The following HS3ST2 variants were observed in gnomAD, a reference collection of about 807,000 sequenced individuals.
HS3ST2 encodes heparan sulfate-glucosamine 3-sulfotransferase 2.
A neutral mutation model predicts 26.3 loss-of-function variants in HS3ST2; 17 were observed. The observed-to-expected ratio is 0.65, with a 90% CI of 0.44 to 0.97. The LOEUF is 0.97. Among genes scored for constraint, HS3ST2 ranks in the 50% least tolerant of loss-of-function variants. The pLI is 0.00. For missense variants in HS3ST2, 402 were observed against 501.2 expected, an observed-to-expected ratio of 0.80 and a Z score of 1.89; for synonymous variants, 237 against 219.2, an observed-to-expected ratio of 1.08 and a Z score of -0.72.
intron 1 of HS3ST2, among the ~76,000 whole-genome samples, chr16:22,868,340 C>T (rs1329708131): frequency 2.9e-5 from 4 of 136,298 alleles, no homozygotes; most frequent in African/African-American, 5.6e-5. Context: ...ACCCGGGAAG[C>T]GGAGGTTGCA....
At chr16:22,912,621 C>A (rs1330834160) in intron 1 of HS3ST2, among the ~76,000 whole-genome samples, 3 of 152,154 alleles carry the variant, frequency 2.0e-5, no homozygotes, top group Non-Finnish European at 2.9e-5. Context: ...AAGGGCTACC[C>A]TACAGGGGTG....
intron 1 of HS3ST2, among the ~76,000 whole-genome samples, chr16:22,895,070 C>CTTTTTT (rs55861016): frequency 1.5e-5 from 2 of 134,718 alleles, no homozygotes; most frequent in Admixed American, 7.4e-5. Context: ...TTCTTTCTTT[C>CTTTTTT]TTTTTTTTTT....
intron 1 of HS3ST2, among the ~76,000 whole-genome samples, chr16:22,871,043 A>G (rs2141193141): frequency 6.6e-6 from 1 of 152,272 alleles, no homozygotes; most frequent in Non-Finnish European, 1.5e-5. Context: ...CACATGAGCT[A>G]TTCAACACTT....
intron 1 of HS3ST2, among the ~76,000 whole-genome samples, chr16:22,908,622 C>T (rs1902384361): frequency 6.6e-6 from 1 of 152,134 alleles, no homozygotes; most frequent in Admixed American, 6.5e-5. Flanking sequence ...ATTGAGTGTG[C>T]TCACTTGCTA....
At chr16:22,886,917 A>G (rs575130993) in intron 1 of HS3ST2, among the ~76,000 whole-genome samples, 2 of 152,066 alleles carry the variant, frequency 1.3e-5, no homozygotes, top group East Asian at 3.9e-4. Context: ...CACCTAGTTA[A>G]TTTTTAAACC....
Position 22,814,711 on chromosome 16 carries a change from G to A in HS3ST2, c.101G>A (p.Cys34Tyr). Residue 34 changes from cysteine to tyrosine, a missense_variant, in exon 1 of 2, where the codon TGT (cysteine) becomes TAT (tyrosine). Physicochemically the swap from Cys to Tyr is radical, Grantham distance 194. Coordinates refer to ENST00000261374, the MANE Select transcript of HS3ST2 (RefSeq NM_006043.2). ...CTCTCGCTCTCCTGCACTTACCTGT[G>A]TTACAGCTTCCTGTGCTGCTGCGAC... ...FTLSLSCTYL[C>Y]YSFLCCCDDL... 2.5e-6 allele frequency: 4 copies of A among 1,609,024 alleles called. No homozygotes were observed. Among genetic ancestry groups the A allele is most frequent in the Admixed American group, 1.7e-5 (1 of 59,802 alleles).
At chr16:22,848,601 C>T (rs1901478300) in intron 1 of HS3ST2, among the ~76,000 whole-genome samples, 1 of 152,202 alleles carries the variant, frequency 6.6e-6, no homozygotes, top group African/African-American at 2.4e-5. Flanking sequence ...AAGGAATTCT[C>T]TACCTTCACA....
intron 1 of HS3ST2, among the ~76,000 whole-genome samples, chr16:22,837,577 A>G (rs1455599410): frequency 7.2e-6 from 1 of 138,224 alleles, no homozygotes; most frequent in Non-Finnish European, 1.6e-5. Context: ...ATATATATAT[A>G]TACACACACA....
At chr16:22,866,643 G>T (rs908122366) in intron 1 of HS3ST2, among the ~76,000 whole-genome samples, 20 of 151,792 alleles carry the variant, frequency 1.3e-4, no homozygotes, top group Non-Finnish European at 2.2e-4. Context: ...TCTACAAAAT[G>T]CAGAAAAATT....
intron 1 of HS3ST2, among the ~76,000 whole-genome samples, chr16:22,843,171 T>TGC (rs1901383075): frequency 1.3e-5 from 2 of 152,106 alleles, no homozygotes; most frequent in Non-Finnish European, 2.9e-5. Flanking sequence ...TGTGTGTGTG[T>TGC]GTGTGAACAC....
chr16:22,822,385 C>T (rs1382080650), intron 1 of HS3ST2, among the ~76,000 whole-genome samples: 1 of 151,892 alleles, frequency 6.6e-6, no homozygotes, highest in African/African-American at 2.4e-5. Flanking sequence ...CCAGGCTGGT[C>T]TCAAACTCCT....
At chr16:22,865,821 A>G (rs1305532871) in intron 1 of HS3ST2, among the ~76,000 whole-genome samples, 1 of 152,122 alleles carries the variant, frequency 6.6e-6, no homozygotes, top group South Asian at 2.1e-4. Context: ...AGGTGGGGGG[A>G]AAATGTGTAG....
At chr16:22,869,509 G>A (rs1901802447) in intron 1 of HS3ST2, among the ~76,000 whole-genome samples, 1 of 152,164 alleles carries the variant, frequency 6.6e-6, no homozygotes, top group Admixed American at 6.5e-5. Context: ...AGGTTTAATG[G>A]ACTTACAGTT....
rs1037904597 is a variant in HS3ST2 at position 22,872,582 on chromosome 16, T to A, written c.486-42362T>A. Among the ~76,000 whole-genome samples, 4 of 152,324 alleles carry A rather than the reference T, an allele frequency of 2.6e-5. No homozygotes were observed. In the East Asian group the frequency reaches 7.7e-4, roughly 29 times the overall value. ...GGAAAGAAGTGGTTTCTTCTTTAGATGGGGCACACCCTCTAGGGTTCCCCA... is the reference window on the plus strand; with the variant it reads ...GGAAAGAAGTGGTTTCTTCTTTAGAAGGGGCACACCCTCTAGGGTTCCCCA... On this transcript the variant is annotated intron_variant, in intron 1 of 1. Coordinates refer to ENST00000261374, the MANE Select transcript of HS3ST2 (RefSeq NM_006043.2).
At chr16:22,844,797 C>T (rs1024442511) in intron 1 of HS3ST2, among the ~76,000 whole-genome samples, 2 of 152,138 alleles carry the variant, frequency 1.3e-5, no homozygotes, top group Non-Finnish European at 2.9e-5. Flanking sequence ...GAGGCCTCCC[C>T]AGCCATGCTT....
chr16:22,822,856 G>GA (rs60765964), intron 1 of HS3ST2, among the ~76,000 whole-genome samples: 7,471 of 112,252 alleles, frequency 0.067, 368 homozygotes, highest in African/African-American at 0.15. Context: ...CTCCGTCTCA[G>GA]AAAAAAAAAA....
intron 1 of HS3ST2, among the ~76,000 whole-genome samples, chr16:22,912,342 G>T (rs1486972065): frequency 6.6e-6 from 1 of 152,194 alleles, no homozygotes; most frequent in Non-Finnish European, 1.5e-5. Context: ...AAAGGTCAAA[G>T]AACTGCGAGG....
chr16:22,831,537 G>A lies in HS3ST2; in HGVS notation c.485+16442G>A, dbSNP rs185903680. ...GTTTTACATAATTTGTATCTGGATT[G>A]TAGGTTTGATAAGTTCTGATATCTG... On this transcript the variant is annotated intron_variant, in intron 1 of 1. Coordinates refer to ENST00000261374, the MANE Select transcript of HS3ST2 (RefSeq NM_006043.2). 2.4e-4 allele frequency among the ~76,000 whole-genome samples: 37 copies of A among 152,006 alleles called. No homozygotes were observed. In the East Asian group the frequency reaches 6.4e-3, roughly 26 times the overall value.
chr16:22,914,991 C>T lies in HS3ST2; in HGVS notation c.533C>T (p.Thr178Met), dbSNP rs771133972. The T allele has an allele frequency of 1.2e-6, 2 of 1,613,810 alleles. No individual in the cohort carries two copies. The highest frequency in any genetic ancestry group is 1.1e-5 in the South Asian group (1 of 91,042). ...TLESQITLEK[T>M]PSYFVTQEAP... ...GAGAGCCAGATCACGCTGGAGAAGA[C>T]GCCCAGCTACTTTGTCACTCAAGAG... The change falls in exon 2 of 2, where the codon ACG (threonine) becomes ATG (methionine). Residue 178 changes from threonine (T) to methionine (M), a missense_variant. Physicochemically the swap from Thr to Met is moderately conservative, Grantham distance 81. Coordinates refer to ENST00000261374, the MANE Select transcript of HS3ST2 (RefSeq NM_006043.2).
Sources: allele counts gnomAD v4.1 joint callset (sites outside exome capture counted in the v4.1 genomes callset), GRCh38; gene constraint gnomAD v4.1.1; transcripts MANE v1.5; gene names NCBI Gene and HGNC (gene_info 2026-07-23, HGNC 2026-07-21).